Variants in SPECC1 observed in about 807,000 individuals in gnomAD.
SPECC1 encodes sperm antigen with calponin homology and coiled-coil domains 1.
Under a neutral mutation model 104.1 loss-of-function variants are expected in SPECC1, and 62 were observed. That is an observed-to-expected ratio of 0.60 (90% CI 0.49 to 0.74). The LOEUF is 0.74. SPECC1 is among the 30% of genes least tolerant of loss of function. The pLI, the probability that SPECC1 is intolerant of heterozygous loss-of-function variation, is 0.00. For missense variants in SPECC1, 1,306 were observed against 1,310.5 expected, an observed-to-expected ratio of 1.00 and a Z score of 0.05; for synonymous variants, 513 against 501.6, an observed-to-expected ratio of 1.02 and a Z score of -0.30.
chr17:20,267,295 C>T (rs61660810), intron 12 of SPECC1, among the ~76,000 whole-genome samples: 37,842 of 152,102 alleles, frequency 0.25, 5,920 homozygotes, highest in African/African-American at 0.45. Flanking sequence ...AGGCCTGACT[C>T]AGATAACTCC....
chr17:20,253,396 C>A, intron 9 of SPECC1, 109 bp from the exon 10 acceptor site: 2 of 1,012,786 alleles, frequency 2.0e-6, no homozygotes, highest in Non-Finnish European at 2.9e-6. Context: ...GGTTATTCCA[C>A]TGTGTTTAAG....
At chr17:20,186,161 C>T (rs975303151) in intron 3 of SPECC1, among the ~76,000 whole-genome samples, 3 of 152,120 alleles carry the variant, frequency 2.0e-5, no homozygotes, top group Non-Finnish European at 2.9e-5. Context: ...TTTTATTTCA[C>T]GTTGCATTTT....
intron 3 of SPECC1, among the ~76,000 whole-genome samples, chr17:20,177,669 T>A (rs1050317631): frequency 6.6e-6 from 1 of 152,248 alleles, no homozygotes; most frequent in Non-Finnish European, 1.5e-5. Flanking sequence ...ATAATTTATT[T>A]AATCCTTCAT....
chr17:20,018,567 A>G (rs1474941498), intron 1 of SPECC1, among the ~76,000 whole-genome samples: 1 of 152,158 alleles, frequency 6.6e-6, no homozygotes, highest in African/African-American at 2.4e-5. Flanking sequence ...TTGGTCTTTT[A>G]TAATTTATTT....
intron 1 of SPECC1, among the ~76,000 whole-genome samples, chr17:20,087,828 G>A (rs2047234666): frequency 6.6e-6 from 1 of 152,152 alleles, no homozygotes; most frequent in Admixed American, 6.5e-5. Context: ...TGGTGATAAA[G>A]GCTCTGAAGA....
intron 1 of SPECC1, among the ~76,000 whole-genome samples, chr17:20,019,386 A>T (rs1297675487): frequency 6.6e-6 from 1 of 152,022 alleles, no homozygotes; most frequent in Non-Finnish European, 1.5e-5. Flanking sequence ...GATGGTCATG[A>T]ATTTTTTTGC....
At chr17:20,285,110 G>GT (rs1032578994) in intron 12 of SPECC1, among the ~76,000 whole-genome samples, 3 of 152,094 alleles carry the variant, frequency 2.0e-5, no homozygotes, top group African/African-American at 7.2e-5. Context: ...AGTGATTGAT[G>GT]TTTTTTACCA....
At chr17:20,303,183 T>C (rs1251017400) in intron 13 of SPECC1, among the ~76,000 whole-genome samples, 1 of 152,132 alleles carries the variant, frequency 6.6e-6, no homozygotes, top group African/African-American at 2.4e-5. Flanking sequence ...AATGGTGGCC[T>C]AAAAACTGGC....
chr17:20,182,389 T>G (rs767920300), intron 3 of SPECC1, among the ~76,000 whole-genome samples: 4 of 152,206 alleles, frequency 2.6e-5, no homozygotes, highest in Admixed American at 2.0e-4. Flanking sequence ...GTGCTAGGAT[T>G]ACAGGCATGA....
chr17:20,221,092 A>G (rs529089254), intron 4 of SPECC1, among the ~76,000 whole-genome samples: 68 of 152,302 alleles, frequency 4.5e-4, no homozygotes, highest in Non-Finnish European at 7.9e-4. Context: ...TTTTGCATCA[A>G]TGTTCACCAG....
At chr17:20,052,941 C>T (rs145756696) in intron 1 of SPECC1, among the ~76,000 whole-genome samples, 76 of 152,334 alleles carry the variant, frequency 5.0e-4, no homozygotes, top group African/African-American at 1.7e-3. Context: ...GCCCTAGAGA[C>T]AGGACCACAC....
chr17:20,132,516 AGTTT>A lies in SPECC1; in HGVS notation c.283+21975_283+21978del, dbSNP rs201813080. 1.4e-3 allele frequency among the ~76,000 whole-genome samples: 211 copies of A among 150,434 alleles called. 1 individual carries two copies. Among genetic ancestry groups the A allele is most frequent in the African/African-American group, 3.2e-3 (132 of 41,006 alleles). Reference sequence around the variant, plus strand: ...CTGAGTGAAATATTCTCTACTTAGAAGTTTGTTTGTTTGTTTGTTTGTTTTCATT... The same window carrying A: ...CTGAGTGAAATATTCTCTACTTAGAAGTTTGTTTGTTTGTTTGTTTTCATT... On this transcript the variant is annotated intron_variant, in intron 3 of 14. Transcript: ENST00000395527.
At chr17:20,112,829 A>G in intron 3 of SPECC1, 1 of 1,581,246 alleles carries the variant, frequency 6.3e-7, no homozygotes, top group Non-Finnish European at 8.7e-7. Flanking sequence ...AAAGTTGAAG[A>G]ACTGTAACCT....
intron 4 of SPECC1, among the ~76,000 whole-genome samples, chr17:20,208,023 T>C (rs984019577): frequency 2.0e-5 from 3 of 152,232 alleles, no homozygotes; most frequent in Non-Finnish European, 4.4e-5. Flanking sequence ...TTTAAAGTTA[T>C]AGCTTTGGTA....
chr17:20,047,644 C>T (rs1375894476), intron 1 of SPECC1, among the ~76,000 whole-genome samples: 2 of 152,040 alleles, frequency 1.3e-5, no homozygotes, highest in Non-Finnish European at 2.9e-5. Context: ...GTCACCCAGG[C>T]TGGAGTGCAG....
Position 20,227,566 on chromosome 17 carries a change from G to C in SPECC1, c.2017G>C (p.Glu673Gln), listed in dbSNP as rs746866263. 4.3e-6 allele frequency: 7 copies of C among 1,612,386 alleles called. No homozygotes were observed. In the South Asian group the frequency reaches 7.7e-5, roughly 18 times the overall value. Residue 673 changes from glutamate to glutamine, a missense_variant, in exon 5 of 15, where the codon GAA becomes CAA. Physicochemically the swap from Glu to Gln is conservative, Grantham distance 29 (BLOSUM62 2). Around this residue, in one of 2 missense-constraint regions of SPECC1, gnomAD observed 1,177 missense variants for 1,139.9 expected, o/e 1.03. Coordinates refer to ENST00000395527, the MANE Select transcript of SPECC1 (RefSeq NM_001243439.2). ...ETIFELEDQV[E>Q]QHRAVKLHNN... ...CATATTTGAATTGGAAGATCAGGTG[G>C]AACAGCACCGGGCTGTCAAGTTACA...
chr17:20,238,475 A>C, intron 7 of SPECC1: 3 of 1,042,350 alleles, frequency 2.9e-6, no homozygotes, highest in Non-Finnish European at 3.5e-6. Flanking sequence ...ACGTTATCCA[A>C]AGGATGAGAC....
At chr17:20,154,560 G>A (rs2032290298) in intron 3 of SPECC1, among the ~76,000 whole-genome samples, 2 of 152,192 alleles carry the variant, frequency 1.3e-5, no homozygotes, top group South Asian at 4.1e-4. Context: ...GGGGGAAGAG[G>A]AGGATTATTC....
intron 3 of SPECC1, among the ~76,000 whole-genome samples, chr17:20,191,033 T>A (rs2035634988): frequency 6.6e-6 from 1 of 152,204 alleles, no homozygotes; most frequent in Non-Finnish European, 1.5e-5. Flanking sequence ...TTCTTTAACT[T>A]AGTAAATGCT....
Sources: gnomAD v4.1 joint callset for allele counts (sites outside exome capture counted in the v4.1 genomes callset) on GRCh38, gnomAD v4.1.1 for gene constraint, gnomAD v4.1.1 regional missense constraint, MANE v1.5 for transcripts, NCBI Gene and HGNC (gene_info 2026-07-23, HGNC 2026-07-21) for gene names.